SV2C: variants seen among roughly 807,000 people sequenced by gnomAD.
SV2C encodes synaptic vesicle glycoprotein 2C, also known as solute carrier family 22 member B3.
In SV2C, 49 loss-of-function variants were observed where a neutral mutation model predicts 79.7. That is an observed-to-expected ratio of 0.61 (90% CI 0.49 to 0.78). SV2C has a LOEUF of 0.78. SV2C is among the 30% of genes least tolerant of loss of function. The pLI is 0.00. For synonymous variants in SV2C, 334 were observed against 333.2 expected (o/e 1.00, Z -0.03); for missense variants, 833 against 912.9 (o/e 0.91, Z 1.13).
the SV2C span, among the ~76,000 whole-genome samples, chr5:75,998,350 A>T: frequency 1.2e-4 from 19 of 152,220 alleles, no homozygotes; most frequent in African/African-American, 3.9e-4. Context: ...ATAATAATAA[A>T]AAAAAAGTCC....
At chr5:76,128,912 C>T (rs1748793227) in intron 1 of SV2C, among the ~76,000 whole-genome samples, 1 of 152,194 alleles carries the variant, frequency 6.6e-6, no homozygotes, top group Admixed American at 6.5e-5. Flanking sequence ...TTAATTCAAG[C>T]ATAACCTTCC....
the SV2C span, among the ~76,000 whole-genome samples, chr5:75,894,028 C>A: frequency 6.6e-6 from 1 of 151,928 alleles, no homozygotes; most frequent in Non-Finnish European, 1.5e-5. Flanking sequence ...TAAAATATCT[C>A]AATTTTAGTG....
At chr5:76,249,795 C>T (rs1359531600) in intron 4 of SV2C, among the ~76,000 whole-genome samples, 1 of 152,016 alleles carries the variant, frequency 6.6e-6, no homozygotes, top group Non-Finnish European at 1.5e-5. Flanking sequence ...TGTTTTTGTG[C>T]GGCGTCAGTG....
the SV2C span, among the ~76,000 whole-genome samples, chr5:75,870,141 A>C: frequency 1.3e-4 from 20 of 152,234 alleles, no homozygotes; most frequent in African/African-American, 4.6e-4. Flanking sequence ...GGAAAACATG[A>C]CATCACCAAA....
At chr5:75,972,461 G>T in the SV2C span, among the ~76,000 whole-genome samples, 1 of 151,920 alleles carries the variant, frequency 6.6e-6, no homozygotes, top group East Asian at 1.9e-4. Flanking sequence ...AATCTACAAA[G>T]AACTCAAACA....
chr5:76,203,664 A>G (rs1357290106), intron 3 of SV2C, among the ~76,000 whole-genome samples: 1 of 152,184 alleles, frequency 6.6e-6, no homozygotes, highest in Non-Finnish European at 1.5e-5. Flanking sequence ...AGGGAGTTGA[A>G]TTGCAGCTGT....
At chr5:76,062,958 G>A in the SV2C span, among the ~76,000 whole-genome samples, 2 of 152,098 alleles carry the variant, frequency 1.3e-5, no homozygotes. Flanking sequence ...GAGAAACGTG[G>A]AGTGTTATCT....
chr5:76,169,725 A>C (rs2112266407), intron 2 of SV2C, among the ~76,000 whole-genome samples: 1 of 152,334 alleles, frequency 6.6e-6, no homozygotes, highest in Middle Eastern at 3.4e-3. Context: ...CTTGGAAACC[A>C]GTCCTAGCAA....
intron 12 of SV2C, among the ~76,000 whole-genome samples, chr5:76,339,450 C>T (rs138239136): frequency 0.018 from 2,743 of 152,216 alleles, 72 homozygotes; most frequent in African/African-American, 0.063. Context: ...CATGGTGGCT[C>T]ACGCCTATAA....
At chr5:76,121,925 A>G (rs1018513022) in intron 1 of SV2C, among the ~76,000 whole-genome samples, 1 of 152,080 alleles carries the variant, frequency 6.6e-6, no homozygotes, top group Admixed American at 6.6e-5. Context: ...TGGTAGCTTG[A>G]TGGGGATGGC....
intron 1 of SV2C, among the ~76,000 whole-genome samples, chr5:76,090,092 G>A (rs1390840232): frequency 6.6e-6 from 1 of 152,168 alleles, no homozygotes; most frequent in Non-Finnish European, 1.5e-5. Flanking sequence ...CTAATGCAAG[G>A]TAGTCCAGAG....
the SV2C span, among the ~76,000 whole-genome samples, chr5:75,912,851 T>A: frequency 6.6e-6 from 1 of 152,258 alleles, no homozygotes; most frequent in Non-Finnish European, 1.5e-5. Context: ...AAGGTACTTT[T>A]GCTTAACAGA....
chr5:76,261,380 A>T (rs935377308), intron 4 of SV2C, among the ~76,000 whole-genome samples: 1 of 152,210 alleles, frequency 6.6e-6, no homozygotes, highest in Admixed American at 6.5e-5. Context: ...CAAACATGTC[A>T]TCTGCAAACA....
At chr5:76,298,758 C>T in intron 9 of SV2C, 36 bp from the exon 10 acceptor site, 11 of 1,607,840 alleles carry the variant, frequency 6.8e-6, no homozygotes, top group South Asian at 1.1e-5. Context: ...TGGACACAGT[C>T]ATTGATTGAT....
At chr5:75,975,570 A>G in the SV2C span, among the ~76,000 whole-genome samples, 4 of 152,192 alleles carry the variant, frequency 2.6e-5, no homozygotes, top group Non-Finnish European at 5.9e-5. Flanking sequence ...CTCAAGCTCC[A>G]TGTGACAAGA....
the SV2C span, among the ~76,000 whole-genome samples, chr5:76,059,487 C>CTTTTTT: frequency 1.3e-5 from 2 of 149,116 alleles, no homozygotes; most frequent in Non-Finnish European, 1.5e-5. Context: ...TGAAGAAATC[C>CTTTTTT]TTTTTTTTTT....
intron 2 of SV2C, chr5:76,173,985 T>A: frequency 6.5e-7 from 1 of 1,548,616 alleles, no homozygotes; most frequent in Non-Finnish European, 8.9e-7. Flanking sequence ...AAATCCCTCA[T>A]TGCTGTAAAT....
the SV2C span, among the ~76,000 whole-genome samples, chr5:76,041,995 T>A: frequency 1.3e-5 from 2 of 152,056 alleles, no homozygotes; most frequent in Non-Finnish European, 2.9e-5. Flanking sequence ...TCTGGCTCCA[T>A]GTTTCAGGCC....
the SV2C span, among the ~76,000 whole-genome samples, chr5:75,863,050 C>T: frequency 1.3e-5 from 2 of 152,138 alleles, no homozygotes; most frequent in African/African-American, 4.8e-5. Flanking sequence ...AGGACCAACA[C>T]CTTTCTCAAA....
Sources: gnomAD v4.1 joint callset for allele counts (sites outside exome capture counted in the v4.1 genomes callset) on GRCh38, gnomAD v4.1.1 for gene constraint, MANE v1.5 for transcripts, NCBI Gene and HGNC (gene_info 2026-07-23, HGNC 2026-07-21) for gene names.